NCKIPSD: variants seen among roughly 807,000 people sequenced by gnomAD.
NCKIPSD encodes NCK interacting protein with SH3 domain.
In NCKIPSD, 48 loss-of-function variants were observed where a neutral mutation model predicts 73.4. The observed-to-expected ratio is 0.65, with a 90% CI of 0.52 to 0.83. The LOEUF is 0.83. Among genes scored for constraint, NCKIPSD ranks in the 40% least tolerant of loss-of-function variants. The probability of loss-of-function intolerance (pLI) is 0.00; values close to 1 mark genes in which losing one functional copy is unlikely to be tolerated. For missense variants in NCKIPSD, 884 were observed against 970.2 expected, an observed-to-expected ratio of 0.91 and a Z score of 1.18; for synonymous variants, 422 against 403.6, an observed-to-expected ratio of 1.05 and a Z score of -0.54.
In NCKIPSD at chr3:48,683,979, G is replaced by GACACACACAC. The variant is rs545029045; in HGVS notation, c.172-977_172-968dup. On this transcript the variant is annotated intron_variant, in intron 1 of 12. Transcript: ENST00000294129. ...AGACAGGGGGATAGAAAGACATGAA[G>GACACACACAC]ACACACACACACACACACACACACA... Among the ~76,000 whole-genome samples, 180 of 131,190 alleles carry GACACACACAC rather than the reference G, an allele frequency of 1.4e-3. 2 individuals are homozygous for GACACACACAC. The highest frequency in any genetic ancestry group is 8.0e-3 in the South Asian group (31 of 3,866). The allele number at this position is 131,190 out of a possible 152,430, so 86.1% of individuals were successfully genotyped here.
intron 2 of NCKIPSD, among the ~76,000 whole-genome samples, 166 bp from the exon 3 acceptor site, chr3:48,682,718 G>A (rs1215597041): frequency 1.3e-5 from 2 of 151,824 alleles, no homozygotes; most frequent in Admixed American, 6.6e-5. Flanking sequence ...TCAGTCCTGC[G>A]CTCTGCACAC....
chr3:48,685,509 A>ACTCC (rs2077422835), intron 1 of NCKIPSD, 128 bp downstream of exon 1: 1 of 1,226,488 alleles, frequency 8.2e-7, no homozygotes, highest in African/African-American at 1.6e-5. Context: ...AGGTTCTCAA[A>ACTCC]CTCCCTGTCT....
chr3:48,678,980 A>C lies in NCKIPSD; in HGVS notation c.1700-11T>G, dbSNP rs771770237. 3 of 1,614,074 alleles carry C rather than the reference A, an allele frequency of 1.9e-6. No homozygotes were observed. Among genetic ancestry groups the C allele is most frequent in the Non-Finnish European group, 2.5e-6 (3 of 1,180,010 alleles). ...CATTCTGGTCAGCAGCTAAGGAAGG[A>C]CATGGGTATAGACAGGGTGCTGAGC... is the stretch of plus-strand genomic sequence containing the variant. On this transcript the variant is annotated splice_polypyrimidine_tract_variant and intron_variant, in intron 10 of 12. Coordinates refer to ENST00000294129, the MANE Select transcript of NCKIPSD (RefSeq NM_016453.4).
rs1482290334 is a variant in NCKIPSD at position 48,679,681 on chromosome 3, G to A, written c.1383C>T (p.Leu461=). Reference sequence around the variant, plus strand: ...GGCTGCACATGGCGCCAAAGCACTTGAGGAGCAGCAGCCGCAGTGATGCTC... The same window carrying A: ...GGCTGCACATGGCGCCAAAGCACTTAAGGAGCAGCAGCCGCAGTGATGCTC... The part of the protein sequence containing the change: ...EHRASLRLLL[L]KCFGAMCSLD... The change falls in exon 8 of 13, where the codon CTC becomes CTT. Residue 461 remains leucine, a synonymous_variant. Coordinates refer to ENST00000294129, the MANE Select transcript of NCKIPSD (RefSeq NM_016453.4). 2 of 1,614,218 alleles carry A rather than the reference G, an allele frequency of 1.2e-6. No homozygotes were observed. Among genetic ancestry groups the A allele is most frequent in the South Asian group, 2.2e-5 (2 of 91,086 alleles).
At position 48,681,299 on chromosome 3, in the gene NCKIPSD, G is replaced by T; in HGVS notation, c.1080C>A (p.Leu360=). Residue 360 remains leucine, a synonymous_variant, in exon 5 of 13, where the codon CTC becomes CTA. Transcript: ENST00000294129. ...SPVMEQVLLS[L]VEGKDLSMAL... Reference sequence around the variant, plus strand: ...CGCCCACCCTCACCTTGCCCTCTACGAGTGAGAGGAGGACCTGCTCCATGA... The same window carrying T: ...CGCCCACCCTCACCTTGCCCTCTACTAGTGAGAGGAGGACCTGCTCCATGA... 1 of 1,605,078 alleles carries T rather than the reference G, an allele frequency of 6.2e-7. No homozygotes were observed.
rs545085136 is a variant in NCKIPSD at position 48,681,771 on chromosome 3, T to C, written c.608A>G (p.Asn203Ser). Residue 203 changes from asparagine (N) to serine (S), a missense_variant, in exon 5 of 13, where the codon AAC (asparagine) becomes AGC (serine). By Grantham distance (46) the Asn-to-Ser change is conservative. Coordinates refer to ENST00000294129, the MANE Select transcript of NCKIPSD (RefSeq NM_016453.4). ...ALMASGSGGHNTMPSGGNSVS... is the reference protein window; with the variant it reads ...ALMASGSGGHSTMPSGGNSVS... ...AGAGTTACCCCCGGAGGGCATGGTG[T>C]TGTGGCCACCTGCGAGCAGTGAGTA... 6 of 1,502,106 alleles carry C rather than the reference T, an allele frequency of 4.0e-6. No individual in the cohort carries two copies. Among genetic ancestry groups the C allele is most frequent in the Non-Finnish European group, 2.7e-6 (3 of 1,127,950 alleles). The allele number at this position is 1,502,106 out of a possible 1,614,324, so 93.0% of individuals were successfully genotyped here.
Position 48,674,280 on chromosome 3 carries a change from G to T in NCKIPSD, c.*264C>A. The T allele has an allele frequency of 7.4e-7, 1 of 1,345,330 alleles. No homozygotes were observed. The highest frequency in any genetic ancestry group is 1.6e-5 in the South Asian group (1 of 63,164). 83.3% of individuals were successfully genotyped at this position (1,345,330 alleles called of 1,614,324 possible). ...TGTACACATGGGTGTGGGGTGAAGA[G>T]GGGGGCATGCTGAAGAGGAAGCCTA... On this transcript the variant is annotated 3_prime_UTR_variant, in exon 13 of 13. Transcript: ENST00000294129.
chr3:48,683,178 CTG>C lies in NCKIPSD; in HGVS notation c.172-168_172-167del, dbSNP rs1263480148. 2.3e-6 allele frequency: 3 copies of C among 1,286,286 alleles called. No homozygotes were observed. The East Asian group carries it at 7.7e-5, about 33-fold the overall frequency. 79.7% of individuals were successfully genotyped at this position (1,286,286 alleles called of 1,614,324 possible). ...CAGAATATGGAATGGGGTTCTCAAA[CTG>C]TATCACTCAGGGAGCTGAGGCACAG... is the stretch of plus-strand genomic sequence containing the variant. On this transcript the variant is annotated intron_variant, in intron 1 of 12. Coordinates refer to ENST00000294129, the MANE Select transcript of NCKIPSD (RefSeq NM_016453.4).
intron 1 of NCKIPSD, 81 bp downstream of exon 1, chr3:48,685,556 G>C: frequency 7.0e-7 from 1 of 1,427,684 alleles, no homozygotes; most frequent in Non-Finnish European, 9.1e-7. Flanking sequence ...GAGAGGGTGG[G>C]GTCCCTGGGT....
chr3:48,681,203 C>A, intron 5 of NCKIPSD, 84 bp downstream of exon 5: 2 of 1,488,506 alleles, frequency 1.3e-6, no homozygotes, highest in Non-Finnish European at 1.8e-6. Context: ...TTGAGAAATA[C>A]CTGTAATGTA....
In NCKIPSD at chr3:48,682,048, T is replaced by C. The variant is rs767402172; in HGVS notation, c.595A>G (p.Ser199Gly). 1 of 1,600,514 alleles carries C rather than the reference T, an allele frequency of 6.2e-7. No homozygotes were observed. The highest frequency in any genetic ancestry group is 1.1e-5 in the South Asian group (1 of 90,750). ...TCCCCTAACCCTGCCTTCTTACCAC[T>C]CCCAGAGGCCATCAGGGCCTCGCGG... ...RDREALMASG[S>G]GGHNTMPSGG... Residue 199 changes from serine to glycine, a missense_variant, in exon 4 of 13, where the codon AGT becomes GGT. Transcript: ENST00000294129.
chr3:48,684,428 TG>T (rs1166457203), intron 1 of NCKIPSD, among the ~76,000 whole-genome samples: 3 of 152,136 alleles, frequency 2.0e-5, no homozygotes, highest in Admixed American at 2.0e-4. Context: ...ACAGCAGCCA[TG>T]GTGTCCACGG....
At position 48,682,359 on chromosome 3, in the gene NCKIPSD, C is replaced by T. The variant is rs772843364; in HGVS notation, c.475G>A (p.Gly159Ser). The T allele has an allele frequency of 1.2e-6, 2 of 1,614,046 alleles. No homozygotes were observed. Among genetic ancestry groups the T allele is most frequent in the East Asian group, 2.2e-5 (1 of 44,858 alleles). Residue 159 changes from glycine to serine, a missense_variant, in exon 3 of 13, where the codon GGC becomes AGC. Coordinates refer to ENST00000294129, the MANE Select transcript of NCKIPSD (RefSeq NM_016453.4). ...TCCTCCCCACACACCTGGTAGAGGC[C>T]TCCATCTGCCCCAAGATGCTCAGAA... Reference protein sequence around the residue: ...PSSEHLGADGGLYQIPLPSSQ... With the variant: ...PSSEHLGADGSLYQIPLPSSQ...
chr3:48,684,019 C>CACACACACACACACACACAG (rs563262573), intron 1 of NCKIPSD, among the ~76,000 whole-genome samples: 18 of 141,252 alleles, frequency 1.3e-4, no homozygotes, highest in African/African-American at 5.0e-4. Flanking sequence ...CACACACACA[C>CACACACACACACACACACAG]AGAGAGAGAG....
chr3:48,680,586 C>T (rs1177019360), intron 5 of NCKIPSD, among the ~76,000 whole-genome samples: 1 of 152,190 alleles, frequency 6.6e-6, no homozygotes, highest in Non-Finnish European at 1.5e-5. Flanking sequence ...GCCACATTTT[C>T]CTTGAACCCT....
intron 2 of NCKIPSD, 110 bp downstream of exon 2, chr3:48,682,793 C>G (rs2077376858): frequency 8.3e-6 from 12 of 1,448,830 alleles, no homozygotes; most frequent in Admixed American, 2.1e-5. Flanking sequence ...CCCCCACCAC[C>G]CTTGCCAACC....
At position 48,674,089 on chromosome 3, in the gene NCKIPSD, G is replaced by A. The variant is rs1474752217; in HGVS notation, c.*455C>T. On this transcript the variant is annotated 3_prime_UTR_variant, in exon 13 of 13. Transcript: ENST00000294129. ...GCAGCGACCCCCATGTGCGGGTGGA[G>A]GGGAGGACATGAGCAGCACTCACTG... 2 of 1,083,648 alleles carry A rather than the reference G, an allele frequency of 1.8e-6. No homozygotes were observed. The highest frequency in any genetic ancestry group is 9.4e-5 in the Admixed American group (2 of 21,236). 67.1% of individuals were successfully genotyped at this position (1,083,648 alleles called of 1,614,324 possible). A position where few individuals can be genotyped will look rare whatever the true frequency, so the allele number is the denominator to read the frequency against.
In NCKIPSD at chr3:48,681,604, G is replaced by A; in HGVS notation, c.775C>T (p.Gln259Ter). The change falls in exon 5 of 13, where the codon CAG becomes TAG. Residue 259 changes from glutamine (Q) to a stop codon, truncating the protein, a stop_gained. Coordinates refer to ENST00000294129, the MANE Select transcript of NCKIPSD (RefSeq NM_016453.4). LOFTEE classifies it high-confidence loss of function. ...RGTHTTVSQV[Q>*]PPPSKASAPE... is the part of the protein sequence containing the mutation. Reference sequence around the variant, plus strand: ...GCTGATGCCTTGGAGGGAGGGGGCTGGACTTGGGACACGGTGGTGTGGGTG... The same window carrying A: ...GCTGATGCCTTGGAGGGAGGGGGCTAGACTTGGGACACGGTGGTGTGGGTG... 1 of 1,614,046 alleles carries A rather than the reference G, an allele frequency of 6.2e-7. No homozygotes were observed. Among genetic ancestry groups the A allele is most frequent in the Non-Finnish European group, 8.5e-7 (1 of 1,180,010 alleles).
Position 48,680,676 on chromosome 3 carries a change from C to T in NCKIPSD, c.1093-447G>A, listed in dbSNP as rs2077336222. Among the ~76,000 whole-genome samples, 3 of 152,128 alleles carry T rather than the reference C, an allele frequency of 2.0e-5. No homozygotes were observed. In the South Asian group the frequency reaches 6.2e-4, roughly 31 times the overall value. ...CCCAACACCCAAACCAGAAGTGTAA[C>T]AGGAACCATGGAGCACTAAAGAGGG... On this transcript the variant is annotated intron_variant, in intron 5 of 12. Coordinates refer to ENST00000294129, the MANE Select transcript of NCKIPSD (RefSeq NM_016453.4).
Sources: allele counts gnomAD v4.1 joint callset (sites outside exome capture counted in the v4.1 genomes callset), GRCh38; gene constraint gnomAD v4.1.1; transcripts MANE v1.5; gene names NCBI Gene and HGNC (gene_info 2026-07-23, HGNC 2026-07-21).